SUGCT: variants seen among roughly 807,000 people sequenced by gnomAD.
SUGCT encodes the protein succinyl-CoA:glutarate CoA-transferase.
A neutral mutation model predicts 55.0 loss-of-function variants in SUGCT; 41 were observed. The observed-to-expected ratio is 0.74, with a 90% confidence interval of 0.58 to 0.97. The LOEUF is 0.97. SUGCT is among the 50% of genes least tolerant of loss of function. SUGCT has a pLI of 0.00. For synonymous variants in SUGCT, 187 were observed against 200.4 expected (o/e 0.93, Z 0.56); for missense variants, 568 against 547.8 (o/e 1.04, Z -0.37).
intron 12 of SUGCT, among the ~76,000 whole-genome samples, chr7:40,690,118 T>C (rs1784628839): frequency 6.6e-6 from 1 of 152,226 alleles, no homozygotes. Context: ...GGAGTCTTCA[T>C]AGTTGAGCCC....
the SUGCT span, among the ~76,000 whole-genome samples, chr7:40,869,654 A>G: frequency 6.9e-6 from 1 of 144,932 alleles, no homozygotes; most frequent in East Asian, 2.4e-4. Context: ...CAGAAAATGA[A>G]TATACCCACG....
chr7:40,245,424 T>TATATATATATATATATATATA (rs59609393), intron 7 of SUGCT, among the ~76,000 whole-genome samples: 66 of 11,574 alleles, frequency 5.7e-3, no homozygotes, highest in East Asian at 8.6e-3. Flanking sequence ...TATATATATA[T>TATATATATATATATATATATA]TTTTTTTTTT....
chr7:40,714,803 G>A (rs1392716239), intron 12 of SUGCT, among the ~76,000 whole-genome samples: 3 of 152,180 alleles, frequency 2.0e-5, no homozygotes, highest in South Asian at 2.1e-4. Context: ...AACTGTACAA[G>A]AGAATACATG....
At chr7:40,520,941 T>G (rs1793495638) in intron 12 of SUGCT, among the ~76,000 whole-genome samples, 1 of 152,162 alleles carries the variant, frequency 6.6e-6, no homozygotes, top group Admixed American at 6.5e-5. Context: ...GTTTCTAAAA[T>G]AATATTTCAA....
At chr7:40,236,442 C>CAAAAAAAAAAAAAAAAAAAAAAA (rs60720770) in intron 6 of SUGCT, among the ~76,000 whole-genome samples, 1 of 90,046 alleles carries the variant, frequency 1.1e-5, no homozygotes, top group South Asian at 3.8e-4. Flanking sequence ...TTTCTGATGG[C>CAAAAAAAAAAAAAAAAAAAAAAA]AAAAAAAAAA....
At chr7:40,262,376 C>T (rs772333048) in intron 7 of SUGCT, among the ~76,000 whole-genome samples, 9 of 151,168 alleles carry the variant, frequency 6.0e-5, no homozygotes, top group East Asian at 2.0e-4. Context: ...ACCGGCTGGG[C>T]GCGGTGGCTC....
At chr7:40,844,598 T>C (rs1442449471) in intron 13 of SUGCT, among the ~76,000 whole-genome samples, 1 of 152,154 alleles carries the variant, frequency 6.6e-6, no homozygotes, top group Admixed American at 6.5e-5. Flanking sequence ...GGGTACAGGG[T>C]TGGGGGCAGG....
At chr7:40,655,163 G>A (rs911689878) in intron 12 of SUGCT, among the ~76,000 whole-genome samples, 3 of 151,976 alleles carry the variant, frequency 2.0e-5, no homozygotes, top group African/African-American at 7.2e-5. Flanking sequence ...GTGCGGTGGC[G>A]TGTGCCTTTA....
At chr7:40,897,207 C>G in the SUGCT span, among the ~76,000 whole-genome samples, 1 of 152,060 alleles carries the variant, frequency 6.6e-6, no homozygotes, top group Non-Finnish European at 1.5e-5. Context: ...AAAATCAACT[C>G]AAAATGAATT....
chr7:40,565,921 C>G (rs1293153818), intron 12 of SUGCT, among the ~76,000 whole-genome samples: 3 of 151,858 alleles, frequency 2.0e-5, no homozygotes, highest in East Asian at 1.9e-4. Flanking sequence ...CTTGATCACT[C>G]TCTTTCCTTG....
intron 9 of SUGCT, among the ~76,000 whole-genome samples, chr7:40,348,516 A>G (rs1388618691): frequency 6.6e-6 from 1 of 152,178 alleles, no homozygotes; most frequent in African/African-American, 2.4e-5. Flanking sequence ...GGATCCATCC[A>G]TGACAGGAGC....
chr7:40,162,131 C>T (rs1584225022), intron 1 of SUGCT, among the ~76,000 whole-genome samples: 1 of 152,002 alleles, frequency 6.6e-6, no homozygotes, highest in Non-Finnish European at 1.5e-5. Flanking sequence ...CTCCTGACCT[C>T]GTGATCCGCC....
chr7:40,221,837 T>G (rs916227858), intron 6 of SUGCT, among the ~76,000 whole-genome samples: 1 of 152,188 alleles, frequency 6.6e-6, no homozygotes, highest in Admixed American at 6.5e-5. Context: ...GTTCATAGTT[T>G]CAGAAGGAAC....
intron 12 of SUGCT, among the ~76,000 whole-genome samples, chr7:40,747,563 C>G (rs1484092689): frequency 6.6e-6 from 1 of 152,194 alleles, no homozygotes; most frequent in South Asian, 2.1e-4. Flanking sequence ...AGCTGCCACT[C>G]TTTGGGATGC....
At chr7:40,776,419 AT>A (rs1789456647) in intron 13 of SUGCT, among the ~76,000 whole-genome samples, 3 of 152,070 alleles carry the variant, frequency 2.0e-5, no homozygotes, top group African/African-American at 7.2e-5. Context: ...TTACATCACT[AT>A]TTGTATTCAT....
chr7:40,490,662 A>G (rs973841429), intron 11 of SUGCT, among the ~76,000 whole-genome samples: 4 of 152,178 alleles, frequency 2.6e-5, no homozygotes, highest in African/African-American at 9.6e-5. Flanking sequence ...GAGTTCAGCT[A>G]TACAATGCCT....
intron 12 of SUGCT, among the ~76,000 whole-genome samples, chr7:40,521,392 C>G (rs975025486): frequency 1.3e-5 from 2 of 152,082 alleles, no homozygotes; most frequent in African/African-American, 4.8e-5. Flanking sequence ...TTTTCCCTTT[C>G]TAATGGAAAA....
chr7:40,168,732 C>T (rs1014405969), intron 1 of SUGCT, among the ~76,000 whole-genome samples: 17 of 152,168 alleles, frequency 1.1e-4, no homozygotes, highest in African/African-American at 4.1e-4. Context: ...AAGTATTTTT[C>T]CTTCTTCGGC....
At chr7:40,455,095 T>TAAAG (rs1167519924) in intron 10 of SUGCT, among the ~76,000 whole-genome samples, 1 of 151,636 alleles carries the variant, frequency 6.6e-6, no homozygotes, top group African/African-American at 2.4e-5. Flanking sequence ...ATGGGGAGAG[T>TAAAG]AAAGGGACTA....
Sources: allele counts gnomAD v4.1 joint callset (sites outside exome capture counted in the v4.1 genomes callset), GRCh38; gene constraint gnomAD v4.1.1; transcripts MANE v1.5; gene names NCBI Gene and HGNC (gene_info 2026-07-23, HGNC 2026-07-21).